ZNF705A: variants seen among roughly 807,000 people sequenced by gnomAD.
ZNF705A encodes zinc finger protein 705A.
In ZNF705A, 8 loss-of-function variants were observed where a neutral mutation model predicts 16.6. The observed-to-expected ratio is 0.48, with a 90% CI of 0.28 to 0.87. The LOEUF (loss-of-function observed/expected upper bound fraction) is 0.87, where lower values mean the gene tolerates loss of function less well. ZNF705A is among the 40% of genes least tolerant of loss of function. The pLI is 0.10. For synonymous variants in ZNF705A, 73 were observed against 117.3 expected, an observed-to-expected ratio of 0.62 and a Z score of 2.44; for missense variants, 233 against 359.9, an observed-to-expected ratio of 0.65 and a Z score of 2.85.
chr12:8,171,041 G>A (rs1022124705), upstream of ZNF705A, among the ~76,000 whole-genome samples: 2 of 152,034 alleles, frequency 1.3e-5, no homozygotes, highest in South Asian at 4.1e-4. Context: ...GTATTGCTGG[G>A]TCATTTTCTA....
At chr12:8,157,738 T>C (rs947975932) in intron 1 of ZNF705A, among the ~76,000 whole-genome samples, 2 of 152,166 alleles carry the variant, frequency 1.3e-5, no homozygotes, top group Non-Finnish European at 2.9e-5. Flanking sequence ...TAAGTAAACA[T>C]TTCAATGAGT....
rs746369784 is a variant in ZNF705A at position 8,165,376 on chromosome 12, A to G, written c.-71-7179A>G. 2.3e-4 allele frequency among the ~76,000 whole-genome samples: 32 copies of G among 137,034 alleles called. No homozygotes were observed. In the East Asian group the frequency reaches 6.4e-3, roughly 27 times the overall value. The allele number at this position is 137,034 out of a possible 152,430, so 89.9% of individuals were successfully genotyped here. On this transcript the variant is annotated intron_variant, in intron 1 of 5. Coordinates refer to the ZNF705A transcript ENST00000396570. ...CGGCTCACTGCAAGCTCCACCTCCCAGGTTCACACCATTCTCCTGCCTCAG... is the reference window on the plus strand; with the variant it reads ...CGGCTCACTGCAAGCTCCACCTCCCGGGTTCACACCATTCTCCTGCCTCAG...
chr12:8,164,968 C>CACTGTTATATCTCAACGGCCG (rs1948385950), intron 1 of ZNF705A, among the ~76,000 whole-genome samples: 1 of 151,844 alleles, frequency 6.6e-6, no homozygotes, highest in African/African-American at 2.4e-5. Flanking sequence ...TAAAAGTGTT[C>CACTGTTATATCTCAACGGCCG]TTATATCTCA....
At chr12:8,162,405 G>A (rs777008272) in intron 1 of ZNF705A, among the ~76,000 whole-genome samples, 4 of 152,112 alleles carry the variant, frequency 2.6e-5, no homozygotes, top group East Asian at 3.8e-4. Context: ...TGGGCAGAGC[G>A]AGGCCTCATT....
chr12:8,174,495 G>C (rs771695803), intron 2 of ZNF705A, 43 bp downstream of exon 3: 7 of 1,592,322 alleles, frequency 4.4e-6, no homozygotes, highest in Non-Finnish European at 6.0e-6. Flanking sequence ...ACACACATTC[G>C]CTCATTCATT....
upstream of ZNF705A, among the ~76,000 whole-genome samples, chr12:8,170,750 C>T (rs1948439209): frequency 6.6e-6 from 1 of 152,150 alleles, no homozygotes; most frequent in South Asian, 2.1e-4. Context: ...AATACATGTA[C>T]TGTCAGGTAC....
At chr12:8,174,894 GAAT>G (rs1948473743) in intron 2 of ZNF705A, among the ~76,000 whole-genome samples, 2 of 152,074 alleles carry the variant, frequency 1.3e-5, no homozygotes, top group African/African-American at 4.8e-5. Flanking sequence ...TTCTGTGTGA[GAAT>G]AATAATAAAC....
chr12:8,158,551 G>T (rs1167817803), intron 1 of ZNF705A, among the ~76,000 whole-genome samples: 1 of 151,890 alleles, frequency 6.6e-6, no homozygotes. Context: ...CCTATTGATG[G>T]AAATTTGTTT....
chr12:8,175,511 C>A (rs1346985282), intron 3 of ZNF705A, among the ~76,000 whole-genome samples, 188 bp downstream of exon 4: 1 of 152,124 alleles, frequency 6.6e-6, no homozygotes, highest in Non-Finnish European at 1.5e-5. Context: ...CTTGTGTCCT[C>A]TTTTTTTACT....
intron 1 of ZNF705A, 106 bp downstream of exon 2, chr12:8,172,743 G>A: frequency 1.3e-6 from 2 of 1,535,252 alleles, no homozygotes; most frequent in South Asian, 2.3e-5. Flanking sequence ...TTTTCTGTTT[G>A]TTTGTTTTTA....
chr12:8,176,426 G>C (rs1411035111), intron 4 of ZNF705A, among the ~76,000 whole-genome samples: 3 of 152,168 alleles, frequency 2.0e-5, no homozygotes, highest in Admixed American at 6.5e-5. Context: ...GGGATATTGA[G>C]AAGTACACAA....
chr12:8,176,692 C>T (rs1948486148), intron 4 of ZNF705A, among the ~76,000 whole-genome samples: 2 of 152,114 alleles, frequency 1.3e-5, no homozygotes, highest in African/African-American at 2.4e-5. Flanking sequence ...GTAATTTTAA[C>T]AGCTCATGAG....
rs145660067 is a variant in ZNF705A at position 8,165,218 on chromosome 12, A to G, written c.-71-7337A>G. 6.8e-3 allele frequency among the ~76,000 whole-genome samples: 1,022 copies of G among 150,788 alleles called. 14 individuals carry two copies. Among genetic ancestry groups the G allele is most frequent in the African/African-American group, 0.023 (962 of 40,970 alleles). ...GATTAGAGATGGTAAGAATTTTTTC[A>G]TATAGTTGTTGGCCATTTGTATCCG... On this transcript the variant is annotated intron_variant, in intron 1 of 5. Transcript: ENST00000396570.
intron 1 of ZNF705A, among the ~76,000 whole-genome samples, chr12:8,158,627 AT>A (rs1365867521): frequency 6.6e-6 from 1 of 151,964 alleles, no homozygotes; most frequent in African/African-American, 2.4e-5. Context: ...TTTTGTAAAT[AT>A]TTTTTCCCTT....
At chr12:8,166,237 C>T (rs1948398165) in intron 1 of ZNF705A, among the ~76,000 whole-genome samples, 1 of 152,204 alleles carries the variant, frequency 6.6e-6, no homozygotes, top group Non-Finnish European at 1.5e-5. Flanking sequence ...TAGACATTCG[C>T]CATGAAGTCT....
chr12:8,159,464 A>T (rs926774463), intron 1 of ZNF705A, among the ~76,000 whole-genome samples: 7 of 152,118 alleles, frequency 4.6e-5, no homozygotes, highest in African/African-American at 1.7e-4. Context: ...ATCCATGTCA[A>T]CATCTATTGT....
exon 5 of ZNF705A, chr12:8,178,391 C>T (rs1332652873): frequency 6.5e-6 from 1 of 153,074 alleles, no homozygotes; most frequent in African/African-American, 2.4e-5. Context: ...TGAGATTTCA[C>T]ACTGGACAAA....
At chr12:8,160,655 C>T (rs982942491) in intron 1 of ZNF705A, among the ~76,000 whole-genome samples, 2 of 151,098 alleles carry the variant, frequency 1.3e-5, no homozygotes, top group African/African-American at 4.9e-5. Flanking sequence ...AGAAGAGCTA[C>T]TGATTTTTGT....
At chr12:8,166,333 C>T (rs969173491) in intron 1 of ZNF705A, among the ~76,000 whole-genome samples, 1 of 152,206 alleles carries the variant, frequency 6.6e-6, no homozygotes, top group African/African-American at 2.4e-5. Flanking sequence ...TGGTTCGGCT[C>T]TGTGTCCCCG....
Sources: allele counts gnomAD v4.1 joint callset (sites outside exome capture counted in the v4.1 genomes callset), GRCh38; gene constraint gnomAD v4.1.1; transcripts MANE v1.5; gene names NCBI Gene and HGNC (gene_info 2026-07-23, HGNC 2026-07-21).